The following PLXNA2 variants were observed in gnomAD, a reference collection of about 807,000 sequenced individuals.
PLXNA2 encodes plexin A2.
PLXNA2 carries 91 observed loss-of-function variants against 193.5 expected under a neutral mutation model. The ratio of observed to expected loss-of-function variants is 0.47; its 90% CI spans 0.40 to 0.56. The LOEUF is 0.56. Ranked by LOEUF, PLXNA2 falls within the 20% of genes least tolerant of loss-of-function variation. The pLI is 0.00. For synonymous variants in PLXNA2, 997 were observed against 1,027.3 expected (o/e 0.97, Z 0.56); for missense variants, 1,995 against 2,503.2 (o/e 0.80, Z 4.33).
chr1:208,144,230 CACA>C lies in PLXNA2; in HGVS notation c.1372-1770_1372-1768del, dbSNP rs1356022731. 7.2e-5 allele frequency among the ~76,000 whole-genome samples: 11 copies of C among 152,268 alleles called. No individual in the cohort carries two copies. In the East Asian group the frequency reaches 2.1e-3, roughly 29 times the overall value. The stretch of plus-strand genomic sequence containing the variant: ...AAGTGCCAAGTTCAATGCCTGATGC[CACA>C]ACAAGTACACTAGCATGGATGGATG... On this transcript the variant is annotated intron_variant, in intron 3 of 31. Coordinates refer to ENST00000367033, the MANE Select transcript of PLXNA2 (RefSeq NM_025179.4).
At chr1:208,126,997 C>T (rs7548352) in intron 4 of PLXNA2, among the ~76,000 whole-genome samples, 80,659 of 152,100 alleles carry the variant, frequency 0.53, 21,875 homozygotes, top group African/African-American at 0.57. Context: ...AATGAATAAA[C>T]GAAGGTTAAA....
intron 2 of PLXNA2, 112 bp downstream of exon 2, chr1:208,216,623 C>G: frequency 1.5e-6 from 2 of 1,299,724 alleles, no homozygotes; most frequent in Non-Finnish European, 2.1e-6. Flanking sequence ...CTGAAAACCT[C>G]TTTCATTTCA....
At chr1:208,201,680 T>C (rs953207730) in intron 3 of PLXNA2, among the ~76,000 whole-genome samples, 2 of 152,134 alleles carry the variant, frequency 1.3e-5, no homozygotes, top group African/African-American at 4.8e-5. Context: ...TATTAAGCAC[T>C]TTTTACACAT....
At chr1:208,058,738 CT>C (rs1191587608) in intron 13 of PLXNA2, among the ~76,000 whole-genome samples, 20 of 152,176 alleles carry the variant, frequency 1.3e-4, no homozygotes, top group Non-Finnish European at 1.9e-4. Flanking sequence ...CTTTCACAGC[CT>C]CACGTGCAGC....
rs535037397 is a variant in PLXNA2 at position 208,096,334 on chromosome 1, T to C, written c.1886-209A>G. Among the ~76,000 whole-genome samples the C allele has an allele frequency of 3.9e-5, 6 of 152,302 alleles. 1 individual carries two copies. The highest frequency in any genetic ancestry group is 1.4e-4 in the African/African-American group (6 of 41,562). ...CCACCCCTCAGACCCAGACTTCCTC[T>C]GCCTGCAGGGAGGAAGAAGCAGATT... On this transcript the variant is annotated intron_variant, in intron 7 of 31. Transcript: ENST00000367033.
In PLXNA2 at chr1:208,165,559, C is replaced by T. The variant is rs191451821; in HGVS notation, c.1372-23096G>A. ...CTCCACGATTTTGTTCGCCTTAACC[C>T]TCCCATTAGGAAAACAACAACGGGG... On this transcript the variant is annotated intron_variant, in intron 3 of 31. Transcript: ENST00000367033. Among the ~76,000 whole-genome samples, 7 of 152,302 alleles carry T rather than the reference C, an allele frequency of 4.6e-5. No individual in the cohort carries two copies. The East Asian group carries it at 1.3e-3, about 29-fold the overall frequency.
At chr1:208,075,321 AAT>A (rs200099459) in intron 12 of PLXNA2, among the ~76,000 whole-genome samples, 3,693 of 146,910 alleles carry the variant, frequency 0.025, 108 homozygotes, top group East Asian at 0.1. Flanking sequence ...AAAAAAAAAA[AAT>A]AATAAGAAAA....
chr1:208,200,803 G>A (rs933139665), intron 3 of PLXNA2, among the ~76,000 whole-genome samples: 3 of 151,478 alleles, frequency 2.0e-5, no homozygotes, highest in East Asian at 1.9e-4. Flanking sequence ...ACGGAGTTTC[G>A]CCATGTTGGC....
At chr1:208,203,016 A>T (rs1432735628) in intron 3 of PLXNA2, among the ~76,000 whole-genome samples, 1 of 152,126 alleles carries the variant, frequency 6.6e-6, no homozygotes, top group Admixed American at 6.6e-5. Context: ...TCTGCTGGGG[A>T]TCTGGACAGA....
intron 3 of PLXNA2, among the ~76,000 whole-genome samples, chr1:208,150,863 C>T (rs1169148844): frequency 6.6e-6 from 1 of 152,172 alleles, no homozygotes; most frequent in South Asian, 2.1e-4. Context: ...AAAAAGAATC[C>T]AGACCTCTGG....
intron 26 of PLXNA2, among the ~76,000 whole-genome samples, chr1:208,036,462 G>A (rs368050195): frequency 3.8e-4 from 58 of 152,274 alleles, no homozygotes; most frequent in African/African-American, 1.3e-3. Context: ...CTGCTTACCC[G>A]CTCCAGGACT....
At chr1:208,205,195 C>A (rs183480829) in intron 3 of PLXNA2, among the ~76,000 whole-genome samples, 1 of 152,214 alleles carries the variant, frequency 6.6e-6, no homozygotes, top group Non-Finnish European at 1.5e-5. Flanking sequence ...CTCCTGTCTC[C>A]GCCCTGAAAC....
chr1:208,118,787 T>A (rs1490509549), intron 4 of PLXNA2, among the ~76,000 whole-genome samples: 1 of 152,130 alleles, frequency 6.6e-6, no homozygotes, highest in South Asian at 2.1e-4. Flanking sequence ...GGATATTAAT[T>A]AGAGCAAATA....
intron 4 of PLXNA2, among the ~76,000 whole-genome samples, chr1:208,114,065 T>A (rs1191917930): frequency 6.6e-6 from 1 of 152,138 alleles, no homozygotes; most frequent in Non-Finnish European, 1.5e-5. Context: ...GGGAGAATAC[T>A]TTTATAATAG....
In PLXNA2 at chr1:208,027,070, C is replaced by G. The variant is rs572187920; in HGVS notation, c.*173G>C. ...CACTGTCTCTCCCAGCTGGAACTGG[C>G]TATGACGAAACTTGGCTGGCGTAGG... is the stretch of plus-strand genomic sequence containing the variant. On this transcript the variant is annotated 3_prime_UTR_variant, in exon 32 of 32. Coordinates refer to ENST00000367033, the MANE Select transcript of PLXNA2 (RefSeq NM_025179.4). The G allele has an allele frequency of 1.3e-4, 74 of 577,566 alleles. No individual in the cohort carries two copies. Among genetic ancestry groups the G allele is most frequent in the Non-Finnish European group, 2.0e-4 (67 of 326,942 alleles). The allele number at this position is 577,566 out of a possible 1,614,324, so 35.8% of individuals were successfully genotyped here. A position where few individuals can be genotyped will look rare whatever the true frequency, so the allele number is the denominator to read the frequency against.
At chr1:208,034,355 A>G in intron 27 of PLXNA2, 138 bp downstream of exon 27, 1 of 630,710 alleles carries the variant, frequency 1.6e-6, no homozygotes, top group Non-Finnish European at 2.9e-6. Context: ...TAGGGAGGAC[A>G]GAAACCAACT....
chr1:208,168,736 T>G (rs867286026), intron 3 of PLXNA2, among the ~76,000 whole-genome samples: 19 of 131,136 alleles, frequency 1.4e-4, no homozygotes, highest in South Asian at 2.5e-4. Context: ...TTTTTTTTTT[T>G]TTTTTTTTTT....
At chr1:208,187,012 C>T (rs573070517) in intron 3 of PLXNA2, among the ~76,000 whole-genome samples, 29 of 152,234 alleles carry the variant, frequency 1.9e-4, no homozygotes, top group Admixed American at 1.2e-3. Flanking sequence ...TGAGCCACCG[C>T]GCCCGGCCTG....
chr1:208,025,312 A>T lies in PLXNA2; in HGVS notation c.*1931T>A, dbSNP rs1475306869. On this transcript the variant is annotated 3_prime_UTR_variant, in exon 32 of 32. Transcript: ENST00000367033. ...CTCCCCCAGCCCTCTCCTGGGAATC[A>T]CATGTGGTCAGCAGGGCCTTTGGAA... The T allele has an allele frequency of 6.6e-6, 1 of 152,374 alleles. No individual in the cohort carries two copies. The highest frequency in any genetic ancestry group is 1.5e-5 in the Non-Finnish European group (1 of 68,150). 9.4% of individuals were successfully genotyped at this position (152,374 alleles called of 1,614,324 possible).
Sources: gnomAD v4.1 joint callset for allele counts (sites outside exome capture counted in the v4.1 genomes callset) on GRCh38, gnomAD v4.1.1 for gene constraint, MANE v1.5 for transcripts, NCBI Gene and HGNC (gene_info 2026-07-23, HGNC 2026-07-21) for gene names.